The following ADGRB3 variants were observed in gnomAD, a reference collection of about 807,000 sequenced individuals.
The protein encoded by ADGRB3 is adhesion G protein-coupled receptor B3, also known as brain-specific angiogenesis inhibitor 3.
Under a neutral mutation model 193.4 loss-of-function variants are expected in ADGRB3, and 37 were observed. That is an observed-to-expected ratio of 0.19 (90% CI 0.15 to 0.25). The LOEUF is 0.25. ADGRB3 is among the 10% of genes least tolerant of loss of function. The pLI, the probability that ADGRB3 is intolerant of heterozygous loss-of-function variation, is 1.00. For missense variants in ADGRB3, 1,637 were observed against 1,852.9 expected, an observed-to-expected ratio of 0.88 and a Z score of 2.14; for synonymous variants, 690 against 644.2, an observed-to-expected ratio of 1.07 and a Z score of -1.08.
intron 23 of ADGRB3, 115 bp downstream of exon 23, chr6:69,330,687 C>A: frequency 1.5e-6 from 1 of 683,378 alleles, no homozygotes. Context: ...TTTTAAAGTT[C>A]AATGGACTAT....
At chr6:69,182,691 T>C (rs980017253) in intron 17 of ADGRB3, among the ~76,000 whole-genome samples, 1 of 152,110 alleles carries the variant, frequency 6.6e-6, no homozygotes, top group Non-Finnish European at 1.5e-5. Context: ...ACACCTATCA[T>C]AGAAGTAAAT....
At chr6:69,240,764 T>G (rs750936837) in intron 20 of ADGRB3, among the ~76,000 whole-genome samples, 1 of 152,044 alleles carries the variant, frequency 6.6e-6, no homozygotes, top group African/African-American at 2.4e-5. Context: ...CTTTCCTTTT[T>G]GCTTGTTCAC....
intron 6 of ADGRB3, among the ~76,000 whole-genome samples, chr6:68,948,904 A>G (rs1292381054): frequency 1.3e-5 from 2 of 152,104 alleles, no homozygotes; most frequent in African/African-American, 4.8e-5. Context: ...TTCAGAAGAT[A>G]TGGATTAAAG....
At chr6:68,854,813 A>G (rs1417763538) in intron 3 of ADGRB3, among the ~76,000 whole-genome samples, 1 of 152,094 alleles carries the variant, frequency 6.6e-6, no homozygotes, top group Non-Finnish European at 1.5e-5. Flanking sequence ...TTGATACCTG[A>G]TGCCACAGTC....
At chr6:69,040,551 G>T (rs1771025875) in intron 13 of ADGRB3, among the ~76,000 whole-genome samples, 1 of 150,922 alleles carries the variant, frequency 6.6e-6, no homozygotes, top group Non-Finnish European at 1.5e-5. Context: ...AGTAGGAGTG[G>T]CCTGAGAGGA....
At chr6:68,762,384 T>C (rs772958064) in intron 3 of ADGRB3, among the ~76,000 whole-genome samples, 7 of 152,114 alleles carry the variant, frequency 4.6e-5, no homozygotes, top group South Asian at 4.1e-4. Flanking sequence ...AGCAATTTGA[T>C]TGACTAAGAG....
At chr6:68,674,266 A>C (rs1375093908) in intron 3 of ADGRB3, among the ~76,000 whole-genome samples, 2 of 152,154 alleles carry the variant, frequency 1.3e-5, no homozygotes, top group Admixed American at 1.3e-4. Context: ...ATTTTAGGTA[A>C]TAACATGAAT....
At chr6:69,121,242 A>G (rs1773676824) in intron 17 of ADGRB3, among the ~76,000 whole-genome samples, 1 of 152,114 alleles carries the variant, frequency 6.6e-6, no homozygotes, top group African/African-American at 2.4e-5. Context: ...CATCTGTTTA[A>G]CAAAGCACAT....
intron 3 of ADGRB3, among the ~76,000 whole-genome samples, chr6:68,836,811 G>A (rs1228987072): frequency 6.6e-6 from 1 of 152,104 alleles, no homozygotes; most frequent in Non-Finnish European, 1.5e-5. Context: ...GCAACATAGT[G>A]AGACTCCATC....
intron 17 of ADGRB3, among the ~76,000 whole-genome samples, chr6:69,118,749 G>GA (rs35603219): frequency 6.7e-6 from 1 of 150,068 alleles, no homozygotes; most frequent in Non-Finnish European, 1.5e-5. Flanking sequence ...CTGCTTTACA[G>GA]AAAAAAAAAA....
intron 3 of ADGRB3, among the ~76,000 whole-genome samples, chr6:68,800,472 T>G (rs952442369): frequency 2.0e-5 from 3 of 152,020 alleles, no homozygotes; most frequent in Non-Finnish European, 4.4e-5. Context: ...TTAGATGAGA[T>G]CTCCTAGACT....
intron 17 of ADGRB3, among the ~76,000 whole-genome samples, chr6:69,186,621 C>T (rs757165064): frequency 9.2e-5 from 14 of 151,850 alleles, no homozygotes; most frequent in Non-Finnish European, 1.8e-4. Context: ...TTTTAGTACA[C>T]GTTTGAATAA....
chr6:69,247,881 T>G (rs1470368974), intron 20 of ADGRB3, among the ~76,000 whole-genome samples: 2 of 152,150 alleles, frequency 1.3e-5, no homozygotes, highest in Non-Finnish European at 2.9e-5. Flanking sequence ...ATAATTATAA[T>G]GGAGGTCAAT....
At chr6:68,882,502 T>C (rs1765760609) in intron 3 of ADGRB3, among the ~76,000 whole-genome samples, 2 of 152,204 alleles carry the variant, frequency 1.3e-5, no homozygotes, top group South Asian at 2.1e-4. Flanking sequence ...TTTTTAATTA[T>C]CATCTCAAAG....
intron 16 of ADGRB3, among the ~76,000 whole-genome samples, chr6:69,069,747 A>AAAAG (rs374029627): frequency 0.013 from 1,457 of 115,358 alleles, 59 homozygotes; most frequent in African/African-American, 0.019. Flanking sequence ...AAAAAAAAAA[A>AAAAG]AAAGAAAGAA....
At chr6:69,113,112 CTATTT>C (rs2150326335) in intron 17 of ADGRB3, among the ~76,000 whole-genome samples, 1 of 152,236 alleles carries the variant, frequency 6.6e-6, no homozygotes, top group African/African-American at 2.4e-5. Context: ...AAATACTATG[CTATTT>C]TATATAAGAA....
chr6:69,176,056 T>G (rs563142494), intron 17 of ADGRB3, among the ~76,000 whole-genome samples: 160 of 152,340 alleles, frequency 1.1e-3, no homozygotes, highest in African/African-American at 3.8e-3. Flanking sequence ...CTTTAGGGTT[T>G]CCTAACTCTA....
At chr6:69,061,224 T>C (rs964469744) in intron 15 of ADGRB3, among the ~76,000 whole-genome samples, 1 of 152,096 alleles carries the variant, frequency 6.6e-6, no homozygotes, top group Admixed American at 6.6e-5. Flanking sequence ...TTGACATTAC[T>C]GCATACATGA....
At chr6:69,299,230 T>C (rs1234729097) in intron 20 of ADGRB3, among the ~76,000 whole-genome samples, 1 of 151,910 alleles carries the variant, frequency 6.6e-6, no homozygotes, top group African/African-American at 2.4e-5. Flanking sequence ...AATTGGATTA[T>C]CTTGTCTTTT....
Sources: gnomAD v4.1 joint callset for allele counts (sites outside exome capture counted in the v4.1 genomes callset) on GRCh38, gnomAD v4.1.1 for gene constraint, MANE v1.5 for transcripts, NCBI Gene and HGNC (gene_info 2026-07-23, HGNC 2026-07-21) for gene names.